The following OTULIN variants were observed in gnomAD, a reference collection of about 807,000 sequenced individuals.
OTULIN encodes the protein ubiquitin thioesterase otulin.
OTULIN carries 15 observed loss-of-function variants against 39.6 expected under a neutral mutation model. That is an observed-to-expected ratio of 0.38 (90% CI 0.25 to 0.58). The LOEUF (loss-of-function observed/expected upper bound fraction) is 0.58. Among genes scored for constraint, OTULIN ranks in the 20% least tolerant of loss-of-function variants. The probability of loss-of-function intolerance (pLI) is 0.66; values close to 1 mark genes in which losing one functional copy is unlikely to be tolerated. For missense variants in OTULIN, 319 were observed against 445.9 expected, an observed-to-expected ratio of 0.72 and a Z score of 2.56; for synonymous variants, 156 against 170.3, an observed-to-expected ratio of 0.92 and a Z score of 0.65.
chr5:14,705,213 A>G, the OTULIN span: 1 of 152,162 alleles, frequency 6.6e-6, no homozygotes, highest in Non-Finnish European at 1.5e-5. Flanking sequence ...TTTGATGTGA[A>G]ACTGACAAAC....
the OTULIN span, chr5:14,705,938 C>A: frequency 6.6e-6 from 1 of 152,170 alleles, no homozygotes; most frequent in Admixed American, 6.5e-5. Flanking sequence ...TCCCCAACTC[C>A]AGAGGCGCCA....
At chr5:14,711,238 C>T in the OTULIN span, 4 of 1,614,150 alleles carry the variant, frequency 2.5e-6, no homozygotes, top group Non-Finnish European at 3.4e-6. Flanking sequence ...TCTGTCACCT[C>T]CTCTGTCGGA....
rs1736603585 is a variant in OTULIN, at chr5:14,694,068, T to C, written c.*1020T>C. On this transcript the variant is annotated 3_prime_UTR_variant, in exon 7 of 7. Transcript: ENST00000284274. The stretch of plus-strand genomic sequence containing the variant: ...GTTTTCCTATGCTCTTTTCATGCTG[T>C]GTTGGAGGGTGTGTCCACTGCCAGA... 1 of 152,268 alleles carries C rather than the reference T, an allele frequency of 6.6e-6. No individual in the cohort carries two copies. The highest frequency in any genetic ancestry group is 2.4e-5 in the African/African-American group (1 of 41,458). The allele number at this position is 152,268 out of a possible 1,614,324, so 9.4% of individuals were successfully genotyped here.
intron 1 of OTULIN, among the ~76,000 whole-genome samples, chr5:14,673,277 T>C (rs1332338123): frequency 2.6e-5 from 4 of 152,236 alleles, no homozygotes; most frequent in African/African-American, 9.6e-5. Context: ...ACTATCTCCA[T>C]TCTTGGAACT....
intron 4 of OTULIN, among the ~76,000 whole-genome samples, chr5:14,684,238 G>A (rs139685806): frequency 8.5e-5 from 13 of 152,298 alleles, no homozygotes; most frequent in African/African-American, 3.1e-4. Flanking sequence ...TTTATTAAAC[G>A]TTGGATCTGA....
At chr5:14,708,895 A>T in the OTULIN span, 1 of 145,834 alleles carries the variant, frequency 6.9e-6, no homozygotes, top group Non-Finnish European at 1.5e-5. Context: ...GAGGGAAAGG[A>T]TTTTTTTTTT....
chr5:14,714,546 T>C, the OTULIN span, among the ~76,000 whole-genome samples: 2 of 152,312 alleles, frequency 1.3e-5, no homozygotes, highest in Admixed American at 1.3e-4. Context: ...TTCCAGGATA[T>C]GCTGGTTTGG....
intron 2 of OTULIN, among the ~76,000 whole-genome samples, chr5:14,677,790 T>G (rs955101102): frequency 6.6e-6 from 1 of 152,206 alleles, no homozygotes; most frequent in Non-Finnish European, 1.5e-5. Flanking sequence ...CATAAATACA[T>G]TAAGATAATT....
In OTULIN at chr5:14,664,831, T is replaced by G; in HGVS notation, c.6T>G (p.Ser2Arg). ...CTTCGGCCGCGAGCGACCGCATGAG[T>G]CGGGGGACTATGCCCCAGCCCGAAG... MSRGTMPQPEAW... is the reference protein window; with the variant it reads MRRGTMPQPEAW... The change falls in exon 1 of 7, where the codon AGT becomes AGG. Residue 2 changes from serine to arginine, a missense_variant. Ser to Arg is a moderately radical substitution (Grantham distance 110, BLOSUM62 -1). Coordinates refer to ENST00000284274, the MANE Select transcript of OTULIN (RefSeq NM_138348.6). The G allele has an allele frequency of 8.2e-7, 1 of 1,218,772 alleles. No individual in the cohort carries two copies. Among genetic ancestry groups the G allele is most frequent in the South Asian group, 3.8e-5 (1 of 26,086 alleles). 75.5% of individuals were successfully genotyped at this position (1,218,772 alleles called of 1,614,324 possible). A position where few individuals can be genotyped will look rare whatever the true frequency, so the allele number is the denominator to read the frequency against.
chr5:14,668,842 C>T (rs182790171), intron 1 of OTULIN, among the ~76,000 whole-genome samples: 184 of 152,274 alleles, frequency 1.2e-3, no homozygotes, highest in Non-Finnish European at 2.0e-3. Context: ...TTCGGCTTCA[C>T]TAAGTTCTGC....
At chr5:14,706,436 T>C in the OTULIN span, 5 of 152,220 alleles carry the variant, frequency 3.3e-5, no homozygotes, top group African/African-American at 1.2e-4. Flanking sequence ...CCACCTTTGA[T>C]GCTCTTCCCA....
the OTULIN span, chr5:14,711,273 T>TC: frequency 1.2e-6 from 2 of 1,614,010 alleles, no homozygotes; most frequent in Non-Finnish European, 8.5e-7. Flanking sequence ...GGCAGAGTCT[T>TC]CCCCCTCCGT....
At position 14,693,237 on chromosome 5, in the gene OTULIN, C is replaced by G. The variant is rs1269983454; in HGVS notation, c.*189C>G. The G allele has an allele frequency of 1.8e-6, 1 of 567,494 alleles. No homozygotes were observed. The highest frequency in any genetic ancestry group is 3.1e-6 in the Non-Finnish European group (1 of 321,816). The allele number at this position is 567,494 out of a possible 1,614,324, so 35.2% of individuals were successfully genotyped here. On this transcript the variant is annotated 3_prime_UTR_variant, in exon 7 of 7. Coordinates refer to ENST00000284274, the MANE Select transcript of OTULIN (RefSeq NM_138348.6). ...GAGAAATTAACCAAGTCTTTCCCCT[C>G]ATCTATGATGCAATATATTTCAGTG...
At chr5:14,681,393 C>T (rs1301000935) in intron 3 of OTULIN, 71 bp from the exon 4 acceptor site, 2 of 1,515,562 alleles carry the variant, frequency 1.3e-6, no homozygotes, top group African/African-American at 1.4e-5. Context: ...GCTTTTTCCA[C>T]AGGAATGAAA....
At chr5:14,702,510 A>G (rs954202953), downstream of OTULIN, among the ~76,000 whole-genome samples, 1 of 152,238 alleles carries the variant, frequency 6.6e-6, no homozygotes, top group Non-Finnish European at 1.5e-5. Flanking sequence ...TTTTCTGAAG[A>G]GCATGGAATT....
chr5:14,689,715 A>G (rs1736474765), intron 5 of OTULIN, among the ~76,000 whole-genome samples: 1 of 152,214 alleles, frequency 6.6e-6, no homozygotes, highest in African/African-American at 2.4e-5. Context: ...CAGGCTTCAC[A>G]CACATGTGTT....
At chr5:14,714,424 C>T in the OTULIN span, among the ~76,000 whole-genome samples, 6 of 152,230 alleles carry the variant, frequency 3.9e-5, no homozygotes, top group East Asian at 1.9e-4. Flanking sequence ...GGCTTGAGGA[C>T]GCGCAGGGCA....
chr5:14,683,307 C>T (rs1435069327), intron 4 of OTULIN, among the ~76,000 whole-genome samples: 1 of 152,072 alleles, frequency 6.6e-6, no homozygotes, highest in Non-Finnish European at 1.5e-5. Flanking sequence ...TTCTTCTAAG[C>T]AAAGATGCAT....
At chr5:14,702,968 A>C (rs534439535), downstream of OTULIN, among the ~76,000 whole-genome samples, 2 of 152,292 alleles carry the variant, frequency 1.3e-5, no homozygotes, top group South Asian at 4.1e-4. Context: ...TTAGAAGCTT[A>C]GCAGACACGG....
Sources: gnomAD v4.1 joint callset for allele counts (sites outside exome capture counted in the v4.1 genomes callset) on GRCh38, gnomAD v4.1.1 for gene constraint, MANE v1.5 for transcripts, NCBI Gene and HGNC (gene_info 2026-07-23, HGNC 2026-07-21) for gene names.